Variants in EXOC4 observed in about 807,000 individuals in gnomAD.
The protein encoded by EXOC4 is exocyst complex component 4.
In EXOC4, 71 loss-of-function variants were observed where a neutral mutation model predicts 107.2. The ratio of observed to expected loss-of-function variants is 0.66; its 90% CI spans 0.55 to 0.81. The LOEUF (loss-of-function observed/expected upper bound fraction) is 0.81, where lower values mean the gene tolerates loss of function less well. Ranked by LOEUF, EXOC4 falls within the 30% of genes least tolerant of loss-of-function variation. EXOC4 has a pLI of 0.00. For missense variants in EXOC4, 1,108 were observed against 1,189.6 expected, an observed-to-expected ratio of 0.93 and a Z score of 1.01; for synonymous variants, 456 against 441.2, an observed-to-expected ratio of 1.03 and a Z score of -0.42.
intron 5 of EXOC4, among the ~76,000 whole-genome samples, chr7:133,343,596 G>A (rs561951820): frequency 1.4e-5 from 2 of 142,300 alleles, no homozygotes; most frequent in African/African-American, 2.6e-5. Flanking sequence ...TTTTAGTTCC[G>A]TTTTTTTTTT....
At chr7:133,322,296 C>A (rs753732446) in intron 5 of EXOC4, among the ~76,000 whole-genome samples, 9 of 152,122 alleles carry the variant, frequency 5.9e-5, no homozygotes, top group Non-Finnish European at 8.8e-5. Context: ...TTTGCCCATT[C>A]CTATGTCCTG....
intron 9 of EXOC4, among the ~76,000 whole-genome samples, chr7:133,619,766 G>A (rs184807340): frequency 6.6e-6 from 1 of 152,180 alleles, no homozygotes; most frequent in Non-Finnish European, 1.5e-5. Flanking sequence ...TAGACACTTA[G>A]TACAAAGAAT....
intron 17 of EXOC4, among the ~76,000 whole-genome samples, chr7:134,052,820 A>G (rs1407644691): frequency 1.3e-5 from 2 of 152,220 alleles, no homozygotes; most frequent in African/African-American, 4.8e-5. Context: ...GCTGAGAAGG[A>G]TTACAGATCA....
chr7:133,694,206 A>C (rs1794482691), intron 10 of EXOC4, among the ~76,000 whole-genome samples: 1 of 149,510 alleles, frequency 6.7e-6, no homozygotes, highest in Non-Finnish European at 1.5e-5. Context: ...GATTACAGTG[A>C]GCCGAGATCA....
intron 10 of EXOC4, among the ~76,000 whole-genome samples, chr7:133,683,347 C>T (rs534868520): frequency 7.3e-4 from 111 of 152,220 alleles, no homozygotes; most frequent in Non-Finnish European, 1.1e-3. Flanking sequence ...GTTTATTCTA[C>T]GTCTGACTTG....
At chr7:133,383,754 A>G (rs1796667711) in intron 7 of EXOC4, among the ~76,000 whole-genome samples, 1 of 152,178 alleles carries the variant, frequency 6.6e-6, no homozygotes, top group Admixed American at 6.5e-5. Flanking sequence ...CTATTTTAGT[A>G]TTTCAGGCCA....
chr7:133,385,617 A>G (rs897386859), intron 7 of EXOC4, among the ~76,000 whole-genome samples: 2 of 152,144 alleles, frequency 1.3e-5, no homozygotes, highest in African/African-American at 4.8e-5. Flanking sequence ...ATGATTTTTT[A>G]TATGTTATTA....
chr7:133,621,268 T>TC (rs1802323570), intron 9 of EXOC4, among the ~76,000 whole-genome samples: 1 of 152,228 alleles, frequency 6.6e-6, no homozygotes, highest in Non-Finnish European at 1.5e-5. Flanking sequence ...GTACTTTTTT[T>TC]CTCTTGTTTT....
At chr7:133,790,038 C>T (rs1229102837) in intron 10 of EXOC4, among the ~76,000 whole-genome samples, 2 of 152,160 alleles carry the variant, frequency 1.3e-5, no homozygotes, top group African/African-American at 4.8e-5. Flanking sequence ...TGTTAGGCAG[C>T]TCCTAAGGGA....
intron 7 of EXOC4, among the ~76,000 whole-genome samples, chr7:133,438,528 C>G (rs943815964): frequency 6.6e-6 from 1 of 152,084 alleles, no homozygotes; most frequent in Non-Finnish European, 1.5e-5. Context: ...GCTTTAATAG[C>G]CATGAGAATC....
intron 10 of EXOC4, among the ~76,000 whole-genome samples, chr7:133,722,105 A>G (rs565588999): frequency 3.5e-4 from 54 of 152,364 alleles, no homozygotes; most frequent in African/African-American, 1.2e-3. Flanking sequence ...TCTGGCACGC[A>G]AACAGGAGGT....
At chr7:133,901,832 G>C (rs1799458125) in intron 12 of EXOC4, among the ~76,000 whole-genome samples, 1 of 151,996 alleles carries the variant, frequency 6.6e-6, no homozygotes, top group African/African-American at 2.4e-5. Flanking sequence ...CCTCATGTTG[G>C]CATGCAGGCC....
the EXOC4 span, among the ~76,000 whole-genome samples, chr7:134,077,515 G>A: frequency 6.6e-6 from 1 of 152,220 alleles, no homozygotes; most frequent in Non-Finnish European, 1.5e-5. Flanking sequence ...GGATTCAGGA[G>A]GACGAGAGAG....
chr7:133,747,594 A>G (rs1795704307), intron 10 of EXOC4, among the ~76,000 whole-genome samples: 1 of 152,220 alleles, frequency 6.6e-6, no homozygotes, highest in South Asian at 2.1e-4. Flanking sequence ...CAAATGAAAT[A>G]ATTTGTGAAT....
Position 133,512,881 on chromosome 7 carries a change from G to A in EXOC4, c.1417+32743G>A, listed in dbSNP as rs545892353. On this transcript the variant is annotated intron_variant, in intron 9 of 17. Transcript: ENST00000253861. The stretch of plus-strand genomic sequence containing the variant: ...GGTGCGGTGGCTCACGCCTGCGGGC[G>A]GATCAGTTGAGGCCAGAAATTCGAG... Among the ~76,000 whole-genome samples the A allele has an allele frequency of 4.6e-5, 7 of 152,246 alleles. No individual in the cohort carries two copies. The South Asian group carries it at 8.3e-4, about 18-fold the overall frequency.
rs148345859 is a variant in EXOC4, at chr7:133,518,970, A to G, written c.1417+38832A>G. ...ACTACTGAACTGTATACTTAAAAAT[A>G]GTAAAAATGGTAATTTTTATGTTAT... On this transcript the variant is annotated intron_variant, in intron 9 of 17. Coordinates refer to ENST00000253861, the MANE Select transcript of EXOC4 (RefSeq NM_021807.4). Among the ~76,000 whole-genome samples, 851 of 152,334 alleles carry G rather than the reference A, an allele frequency of 5.6e-3. 9 individuals carry two copies. Among genetic ancestry groups the G allele is most frequent in the African/African-American group, 0.019 (808 of 41,580 alleles).
chr7:133,885,551 C>G (rs1358132517), intron 11 of EXOC4, among the ~76,000 whole-genome samples: 1 of 152,106 alleles, frequency 6.6e-6, no homozygotes, highest in Non-Finnish European at 1.5e-5. Context: ...GAATTAGCAG[C>G]CTAGTGGAAG....
intron 9 of EXOC4, among the ~76,000 whole-genome samples, chr7:133,562,786 A>G (rs1800834779): frequency 6.6e-6 from 1 of 152,208 alleles, no homozygotes; most frequent in Admixed American, 6.5e-5. Flanking sequence ...ATAAAATAAA[A>G]GGATCTTAAT....
intron 11 of EXOC4, among the ~76,000 whole-genome samples, chr7:133,826,048 G>T (rs898312015): frequency 6.6e-6 from 1 of 151,826 alleles, no homozygotes; most frequent in African/African-American, 2.4e-5. Flanking sequence ...GTATTATTTT[G>T]CCTCTTCATG....
Sources: allele counts gnomAD v4.1 joint callset (sites outside exome capture counted in the v4.1 genomes callset), GRCh38; gene constraint gnomAD v4.1.1; transcripts MANE v1.5; gene names NCBI Gene and HGNC (gene_info 2026-07-23, HGNC 2026-07-21).